CPLX2: variants seen among roughly 807,000 people sequenced by gnomAD.
CPLX2 encodes complexin 2.
Under a neutral mutation model 16.3 loss-of-function variants are expected in CPLX2, and 5 were observed. The observed-to-expected ratio is 0.31, with a 90% CI of 0.16 to 0.64. CPLX2 has a LOEUF of 0.64. Among genes scored for constraint, CPLX2 ranks in the 30% least tolerant of loss-of-function variants. CPLX2 has a pLI of 0.79. For missense variants in CPLX2, 144 were observed against 181.4 expected (o/e 0.79, Z 1.18); for synonymous variants, 89 against 73.2 (o/e 1.22, Z -1.10).
chr5:175,868,775 C>G (rs942831560), upstream of CPLX2, among the ~76,000 whole-genome samples: 2 of 151,528 alleles, frequency 1.3e-5, no homozygotes, highest in Non-Finnish European at 2.9e-5. Flanking sequence ...ATCTGCAGAG[C>G]AAAAGTTACA....
At chr5:175,847,791 G>C (rs1278056683) in intron 2 of CPLX2, among the ~76,000 whole-genome samples, 1 of 152,202 alleles carries the variant, frequency 6.6e-6, no homozygotes, top group Non-Finnish European at 1.5e-5. Flanking sequence ...TAGTCAGGCA[G>C]CCACCATGGC....
intron 1 of CPLX2, among the ~76,000 whole-genome samples, chr5:175,797,915 C>A (rs1389417438): frequency 6.6e-6 from 1 of 152,180 alleles, no homozygotes; most frequent in Non-Finnish European, 1.5e-5. Context: ...GGAAGAGAAA[C>A]CTTTTCTCTG....
intron 2 of CPLX2, among the ~76,000 whole-genome samples, chr5:175,822,959 A>G (rs1434468524): frequency 6.6e-6 from 1 of 152,234 alleles, no homozygotes; most frequent in Admixed American, 6.5e-5. Flanking sequence ...GCTGTTACGA[A>G]TCAAGCTCCT....
intron 2 of CPLX2, among the ~76,000 whole-genome samples, chr5:175,843,589 C>T (rs1758986746): frequency 6.6e-6 from 1 of 152,220 alleles, no homozygotes; most frequent in East Asian, 1.9e-4. Context: ...GGCCCCTGAA[C>T]AAGGGAAATC....
At chr5:175,864,287 G>C (rs1759426956) in intron 2 of CPLX2, among the ~76,000 whole-genome samples, 1 of 152,198 alleles carries the variant, frequency 6.6e-6, no homozygotes, top group Non-Finnish European at 1.5e-5. Flanking sequence ...CAGTGCCCAT[G>C]GCTGCCACCA....
At chr5:175,842,019 T>G (rs932744360) in intron 2 of CPLX2, among the ~76,000 whole-genome samples, 12 of 152,184 alleles carry the variant, frequency 7.9e-5, no homozygotes, top group Non-Finnish European at 1.6e-4. Flanking sequence ...CAAGCATTCC[T>G]CCCATAGGCC....
At chr5:175,834,806 G>C (rs548863707) in intron 2 of CPLX2, among the ~76,000 whole-genome samples, 7 of 152,150 alleles carry the variant, frequency 4.6e-5, no homozygotes, top group Non-Finnish European at 8.8e-5. Context: ...CCTGGGAGAC[G>C]GAGGTTGCAG....
chr5:175,838,141 G>A (rs867068618), intron 2 of CPLX2, among the ~76,000 whole-genome samples: 1 of 152,150 alleles, frequency 6.6e-6, no homozygotes, highest in Non-Finnish European at 1.5e-5. Context: ...AACATAGACC[G>A]GGAAATTTTG....
At position 175,818,273 on chromosome 5, in the gene CPLX2, T is replaced by G. The variant is rs1758444534; in HGVS notation, c.-89+9205T>G. ...TAGAGGGGCACCATGGGCAAAGGCA[T>G]AGAGGTGAAAATCAGCCTGTGTGTG... On this transcript the variant is annotated intron_variant, in intron 2 of 4. Transcript: ENST00000359546. Among the ~76,000 whole-genome samples the G allele has an allele frequency of 2.0e-5, 3 of 151,868 alleles. No individual in the cohort carries two copies. In the South Asian group the frequency reaches 6.2e-4, roughly 32 times the overall value.
chr5:175,849,160 C>T lies in CPLX2; in HGVS notation c.-88-29492C>T, dbSNP rs972037695. On this transcript the variant is annotated intron_variant, in intron 2 of 4. Coordinates refer to the CPLX2 transcript ENST00000359546. The surrounding 1 kb of genome is among the most constrained non-coding windows in gnomAD (Gnocchi z 4.4). Reference sequence around the variant, plus strand: ...ACACCAGCCAGTGCTGCCGTGTGTGCAGGACCGATGTCCACACTTCACAGG... The same window carrying T: ...ACACCAGCCAGTGCTGCCGTGTGTGTAGGACCGATGTCCACACTTCACAGG... 6.6e-6 allele frequency among the ~76,000 whole-genome samples: 1 copy of T among 152,150 alleles called. No individual in the cohort carries two copies. The highest frequency in any genetic ancestry group is 1.5e-5 in the Non-Finnish European group (1 of 68,032).
At chr5:175,805,789 G>A (rs569464279) in intron 1 of CPLX2, among the ~76,000 whole-genome samples, 3 of 152,322 alleles carry the variant, frequency 2.0e-5, no homozygotes, top group Admixed American at 6.5e-5. Context: ...CTGCCACAGC[G>A]ATTTTCTCGT....
chr5:175,820,020 CA>C (rs1358813694), intron 2 of CPLX2, among the ~76,000 whole-genome samples: 7 of 152,214 alleles, frequency 4.6e-5, no homozygotes, highest in Admixed American at 4.6e-4. Context: ...CTCTCTGCAT[CA>C]CACCAAAAGT....
intron 1 of CPLX2, among the ~76,000 whole-genome samples, chr5:175,803,075 G>A (rs914116525): frequency 1.6e-4 from 24 of 152,218 alleles, no homozygotes; most frequent in Middle Eastern, 3.4e-3. Flanking sequence ...CAGGTGATCC[G>A]TTTGCTGGGA....
At chr5:175,842,298 A>T (rs1239774518) in intron 2 of CPLX2, among the ~76,000 whole-genome samples, 1 of 152,256 alleles carries the variant, frequency 6.6e-6, no homozygotes, top group Admixed American at 6.5e-5. Context: ...CCTACTGTGT[A>T]CTAGACATTT....
intron 2 of CPLX2, among the ~76,000 whole-genome samples, chr5:175,841,395 A>G (rs1489499499): frequency 1.2e-5 from 1 of 83,246 alleles, no homozygotes; most frequent in Non-Finnish European, 2.4e-5. Flanking sequence ...ACAAAGGTGC[A>G]CCTGGGAGTC....
intron 2 of CPLX2, among the ~76,000 whole-genome samples, chr5:175,817,680 C>G (rs1238862349): frequency 1.3e-5 from 2 of 152,190 alleles, no homozygotes; most frequent in African/African-American, 4.8e-5. Context: ...AGGTGCCTGG[C>G]TCACTTCCCC....
intron 2 of CPLX2, among the ~76,000 whole-genome samples, chr5:175,836,189 A>C (rs1268650586): frequency 6.6e-6 from 1 of 152,080 alleles, no homozygotes; most frequent in Non-Finnish European, 1.5e-5. Flanking sequence ...TCTCTACTAA[A>C]AATACAAAAA....
At chr5:175,804,151 A>G (rs1187490480) in intron 1 of CPLX2, among the ~76,000 whole-genome samples, 10 of 152,256 alleles carry the variant, frequency 6.6e-5, no homozygotes, top group African/African-American at 9.6e-5. Flanking sequence ...ACAGGATACA[A>G]AAGAGCAGGG....
Position 175,821,945 on chromosome 5 carries a change from G to C in CPLX2, c.-89+12877G>C, listed in dbSNP as rs560987262. 3.9e-5 allele frequency among the ~76,000 whole-genome samples: 6 copies of C among 152,258 alleles called. No individual in the cohort carries two copies. The East Asian group carries it at 1.2e-3, about 29-fold the overall frequency. ...ACTGATGGGGGCTGCAGAGTAGGAG[G>C]GTTCCTGAGGGCTTCAAGGAAGAGG... On this transcript the variant is annotated intron_variant, in intron 2 of 4. Transcript: ENST00000359546.
Sources: gnomAD v4.1 joint callset for allele counts (sites outside exome capture counted in the v4.1 genomes callset) on GRCh38, gnomAD v4.1.1 for gene constraint, Gnocchi (gnomAD v3.1) non-coding constraint, MANE v1.5 for transcripts, NCBI Gene and HGNC (gene_info 2026-07-23, HGNC 2026-07-21) for gene names.